Variants in C9orf85 observed in about 807,000 individuals in gnomAD.
C9orf85 encodes chromosome 9 open reading frame 85.
C9orf85 carries 16 observed loss-of-function variants against 14.9 expected under a neutral mutation model. The observed-to-expected ratio is 1.08, with a 90% confidence interval of 0.73 to 1.63. The LOEUF (loss-of-function observed/expected upper bound fraction) is 1.63. Among genes scored for constraint, C9orf85 ranks in the 40% most tolerant of loss-of-function variants. The pLI is 0.00. For missense variants in C9orf85, 172 were observed against 186.1 expected (o/e 0.92, Z 0.44); for synonymous variants, 45 against 56.8 (o/e 0.79, Z 0.93).
chr9:71,961,799 G>C (rs551292221), intron 2 of C9orf85, among the ~76,000 whole-genome samples: 1 of 152,170 alleles, frequency 6.6e-6, no homozygotes, highest in South Asian at 2.1e-4. Flanking sequence ...TTCATGCTTT[G>C]ATTTAAAATT....
chr9:71,952,343 TTTTA>T (rs58259402), intron 2 of C9orf85, among the ~76,000 whole-genome samples: 150,796 of 151,684 alleles, frequency 0.99, 74,966 homozygotes, highest in Middle Eastern at 1. Context: ...ACCACCTTGC[TTTTA>T]TTTATTTATT....
chr9:71,975,397 C>T (rs1366266345), downstream of C9orf85, among the ~76,000 whole-genome samples: 3 of 148,898 alleles, frequency 2.0e-5, no homozygotes, highest in Non-Finnish European at 4.4e-5. Flanking sequence ...GCCAAGATCG[C>T]GCCATTGCAC....
intron 1 of C9orf85, among the ~76,000 whole-genome samples, chr9:71,913,289 A>G (rs1827562768): frequency 6.6e-6 from 1 of 152,112 alleles, no homozygotes; most frequent in Non-Finnish European, 1.5e-5. Flanking sequence ...TATTCTACAA[A>G]TATTTAATAA....
intron 1 of C9orf85, among the ~76,000 whole-genome samples, chr9:71,925,826 A>G (rs1438855703): frequency 6.6e-6 from 1 of 152,256 alleles, no homozygotes; most frequent in African/African-American, 2.4e-5. Context: ...AAAAATTAAG[A>G]TAACTAAAGA....
rs775066445 is a variant in C9orf85, at chr9:71,922,276, A to G, written c.102+10440A>G. Reference sequence around the variant, plus strand: ...AATGTCCTAGATTCCCAGATCATTCATTATTACTTTTCCCTATTTGGTTTG... The same window carrying G: ...AATGTCCTAGATTCCCAGATCATTCGTTATTACTTTTCCCTATTTGGTTTG... On this transcript the variant is annotated intron_variant, in intron 1 of 3. Coordinates refer to ENST00000334731, the MANE Select transcript of C9orf85 (RefSeq NM_182505.5). 2.6e-5 allele frequency among the ~76,000 whole-genome samples: 4 copies of G among 152,006 alleles called. No homozygotes were observed. In the South Asian group the frequency reaches 8.3e-4, roughly 32 times the overall value.
At chr9:71,940,209 A>C (rs572522742) in intron 1 of C9orf85, among the ~76,000 whole-genome samples, 3 of 152,260 alleles carry the variant, frequency 2.0e-5, no homozygotes, top group Non-Finnish European at 4.4e-5. Context: ...ACATCTCAAT[A>C]ATAAGAAAAT....
At chr9:71,969,501 T>G (rs1822800730) in intron 2 of C9orf85, among the ~76,000 whole-genome samples, 1 of 152,178 alleles carries the variant, frequency 6.6e-6, no homozygotes, top group African/African-American at 2.4e-5. Flanking sequence ...TTATTCCTGA[T>G]GTTTCAGTGT....
intron 1 of C9orf85, among the ~76,000 whole-genome samples, chr9:71,943,319 C>G (rs991107910): frequency 4.4e-4 from 66 of 151,708 alleles, no homozygotes; most frequent in African/African-American, 1.5e-3. Context: ...TTTGGCAATT[C>G]TGAAAGAATT....
chr9:71,944,636 T>TC (rs1822034196), intron 1 of C9orf85, among the ~76,000 whole-genome samples: 2 of 152,034 alleles, frequency 1.3e-5, no homozygotes, highest in African/African-American at 4.8e-5. Flanking sequence ...GTCATTTCCT[T>TC]CCCCCCAGGC....
At chr9:71,972,661 A>G in intron 3 of C9orf85, 31 bp from the exon 4 acceptor site, 1 of 1,487,620 alleles carries the variant, frequency 6.7e-7, no homozygotes. Flanking sequence ...TAGCCTGGGA[A>G]ATAAATAGAA....
chr9:71,952,404 G>A (rs1440968849), intron 2 of C9orf85, among the ~76,000 whole-genome samples: 2 of 151,794 alleles, frequency 1.3e-5, no homozygotes, highest in East Asian at 1.9e-4. Context: ...TCGCTCTGTC[G>A]CCCAGGCTGT....
Position 71,971,608 on chromosome 9 carries a change from A to G in C9orf85, c.313A>G (p.Ile105Val), listed in dbSNP as rs777834408. The G allele has an allele frequency of 7.5e-6, 12 of 1,601,170 alleles. No homozygotes were observed. The highest frequency in any genetic ancestry group is 1.7e-4 in the Middle Eastern group (1 of 6,002). ...VCAKCGKKED[I>V]VIPLNKETEK... ...CGCAAAATGTGGAAAGAAAGAAGAC[A>G]TTGTTATTCCGTGAGTGTTTCCTTT... Residue 105 changes from isoleucine to valine, a missense_variant, in exon 3 of 4, where the codon ATT becomes GTT. Coordinates refer to ENST00000334731, the MANE Select transcript of C9orf85 (RefSeq NM_182505.5).
chr9:71,945,282 A>AT (rs1276692281), intron 1 of C9orf85, among the ~76,000 whole-genome samples: 1 of 152,252 alleles, frequency 6.6e-6, no homozygotes, highest in African/African-American at 2.4e-5. Context: ...AGCTTTGTCC[A>AT]TGATAACTAT....
chr9:71,942,164 T>C (rs955479968), intron 1 of C9orf85, among the ~76,000 whole-genome samples: 1 of 152,228 alleles, frequency 6.6e-6, no homozygotes, highest in Admixed American at 6.5e-5. Context: ...TAAGAATAAC[T>C]GTATTGCACT....
At chr9:71,976,365 T>A (rs984510451), downstream of C9orf85, among the ~76,000 whole-genome samples, 2 of 152,148 alleles carry the variant, frequency 1.3e-5, no homozygotes, top group African/African-American at 4.8e-5. Context: ...TATGAGGAGC[T>A]TTTAAGAAAA....
chr9:71,985,689 G>A (rs1314862898), downstream of C9orf85: 1 of 152,192 alleles, frequency 6.6e-6, no homozygotes, highest in Non-Finnish European at 1.5e-5. Flanking sequence ...GTTTCAGATG[G>A]GGACCATTGT....
chr9:71,979,291 T>C lies in C9orf85; in HGVS notation c.324-3366T>C, dbSNP rs149593364. Among the ~76,000 whole-genome samples the C allele has an allele frequency of 3.9e-3, 594 of 152,306 alleles. 7 individuals are homozygous for C. The highest frequency in any genetic ancestry group is 0.022 in the Admixed American group (339 of 15,300). On this transcript the variant is annotated intron_variant, in intron 3 of 3. Coordinates refer to the C9orf85 transcript ENST00000377031. ...ACGTTATGTTATGTGTGCCTTTCTTTGAAAAATGAGGGCTGTAATTTCTAC... is the reference window on the plus strand; with the variant it reads ...ACGTTATGTTATGTGTGCCTTTCTTCGAAAAATGAGGGCTGTAATTTCTAC...
rs181263731 is a variant in C9orf85, at chr9:71,966,000, A to G, written c.210-5505A>G. 7.2e-4 allele frequency among the ~76,000 whole-genome samples: 110 copies of G among 152,336 alleles called. 1 individual carries two copies. In the Middle Eastern group the frequency reaches 0.014, roughly 19 times the overall value. ...ATAGGTAGACAAGATTGAAAACCTA[A>G]GTTTAACTAACAGGAGTATGCGCCT... is the stretch of plus-strand genomic sequence containing the variant. On this transcript the variant is annotated intron_variant, in intron 2 of 3. Transcript: ENST00000334731.
chr9:71,927,022 A>G (rs1024926081), intron 1 of C9orf85, among the ~76,000 whole-genome samples: 4 of 152,132 alleles, frequency 2.6e-5, no homozygotes, highest in African/African-American at 9.6e-5. Flanking sequence ...ACCTAGACAT[A>G]TCATGGTGAG....
Sources: gnomAD v4.1 joint callset for allele counts (sites outside exome capture counted in the v4.1 genomes callset) on GRCh38, gnomAD v4.1.1 for gene constraint, MANE v1.5 for transcripts, NCBI Gene and HGNC (gene_info 2026-07-23, HGNC 2026-07-21) for gene names.